Variants in SNAP25 observed in about 807,000 individuals in gnomAD.
The protein encoded by SNAP25 is synaptosome associated protein 25.
In SNAP25, 3 loss-of-function variants were observed where a neutral mutation model predicts 28.7. The ratio of observed to expected loss-of-function variants is 0.10; its 90% CI spans 0.05 to 0.27. The LOEUF (loss-of-function observed/expected upper bound fraction) is 0.27. SNAP25 is among the 10% of genes least tolerant of loss of function. SNAP25 has a pLI of 1.00. For missense variants in SNAP25, 117 were observed against 278.7 expected (o/e 0.42, Z 4.13); for synonymous variants, 61 against 88.1 (o/e 0.69, Z 1.72).
intron 1 of SNAP25, among the ~76,000 whole-genome samples, chr20:10,226,907 C>T (rs970662608): frequency 1.3e-5 from 2 of 152,102 alleles, no homozygotes; most frequent in East Asian, 3.9e-4. Flanking sequence ...GTAGAGACCA[C>T]TTTCTGCCGC....
intron 1 of SNAP25, among the ~76,000 whole-genome samples, chr20:10,254,681 G>A (rs1393862457): frequency 1.3e-5 from 2 of 152,174 alleles, no homozygotes; most frequent in African/African-American, 4.8e-5. Context: ...TTGGGAGCAG[G>A]AGGAGAAACC....
intron 1 of SNAP25, among the ~76,000 whole-genome samples, chr20:10,271,736 G>A (rs915880155): frequency 6.7e-6 from 1 of 150,294 alleles, no homozygotes; most frequent in African/African-American, 2.4e-5. Flanking sequence ...GGGAGAGCGA[G>A]AGAGAGAGAG....
chr20:10,237,975 T>A (rs1600660586), intron 1 of SNAP25, among the ~76,000 whole-genome samples: 1 of 152,348 alleles, frequency 6.6e-6, no homozygotes, highest in South Asian at 2.1e-4. Flanking sequence ...GTTTTCAGGT[T>A]GGCTCCATGG....
chr20:10,244,342 A>G (rs2063089953), intron 1 of SNAP25, among the ~76,000 whole-genome samples: 1 of 152,226 alleles, frequency 6.6e-6, no homozygotes, highest in Non-Finnish European at 1.5e-5. Flanking sequence ...TAAATCCACC[A>G]GGTTTATTTA....
At chr20:10,260,313 C>T (rs2063388595) in intron 1 of SNAP25, among the ~76,000 whole-genome samples, 1 of 152,076 alleles carries the variant, frequency 6.6e-6, no homozygotes, top group Admixed American at 6.6e-5. Context: ...CAAGCAGACA[C>T]AATACTAGTT....
intron 6 of SNAP25, 148 bp downstream of exon 6, chr20:10,297,198 C>T (rs1600785326): frequency 8.9e-7 from 1 of 1,117,384 alleles, no homozygotes; most frequent in Non-Finnish European, 1.2e-6. Context: ...TTTCCTGGAC[C>T]TTGCCTGGGT....
chr20:10,263,442 A>G (rs1464381993), intron 1 of SNAP25, among the ~76,000 whole-genome samples: 1 of 152,160 alleles, frequency 6.6e-6, no homozygotes, highest in Non-Finnish European at 1.5e-5. Flanking sequence ...AACTGTTACT[A>G]AGCCTGAATA....
chr20:10,219,546 G>A (rs2062585448), intron 1 of SNAP25: 1 of 152,244 alleles, frequency 6.6e-6, no homozygotes, highest in South Asian at 2.1e-4. Flanking sequence ...GGAGGCGGGC[G>A]GGTCGTGCCG....
At chr20:10,231,855 T>A (rs1437384045) in intron 1 of SNAP25, among the ~76,000 whole-genome samples, 2 of 152,212 alleles carry the variant, frequency 1.3e-5, no homozygotes, top group East Asian at 3.8e-4. Flanking sequence ...TAAAAATATC[T>A]GAAATGGAAA....
At chr20:10,280,494 T>G (rs6077718) in intron 3 of SNAP25, among the ~76,000 whole-genome samples, 20,346 of 152,166 alleles carry the variant, frequency 0.13, 1,511 homozygotes, top group Admixed American at 0.19. Context: ...GGGAAACAGA[T>G]ATGTAAGTAG....
intron 3 of SNAP25, chr20:10,277,927 C>G: frequency 1.9e-6 from 1 of 526,346 alleles, no homozygotes; most frequent in Non-Finnish European, 3.4e-6. Flanking sequence ...TCCTTCCCAG[C>G]CCAAGCCACC....
intron 4 of SNAP25, among the ~76,000 whole-genome samples, chr20:10,286,593 T>G (rs1034274813): frequency 2.6e-5 from 4 of 152,176 alleles, no homozygotes; most frequent in African/African-American, 4.8e-5. Flanking sequence ...AGGAAGAGCC[T>G]GGCCTCAATG....
chr20:10,292,264 CTG>C (rs2064013509), intron 4 of SNAP25, among the ~76,000 whole-genome samples: 1 of 152,166 alleles, frequency 6.6e-6, no homozygotes, highest in Non-Finnish European at 1.5e-5. Flanking sequence ...TACAATGTTG[CTG>C]TGTGGATGTT....
At position 10,271,095 on chromosome 20, in the gene SNAP25, C is replaced by G. The variant is rs754297911; in HGVS notation, c.-63-4334C>G. ...CTTTTCTTCCTAATTTCTTCTGCTT[C>G]CTAGTTTCCTCTTTCTACCTGCTCT... On this transcript the variant is annotated intron_variant, in intron 1 of 7. Coordinates refer to ENST00000254976, the MANE Select transcript of SNAP25 (RefSeq NM_130811.4). 9.3e-4 allele frequency among the ~76,000 whole-genome samples: 141 copies of G among 152,250 alleles called. 5 individuals are homozygous for G. The Middle Eastern group carries it at 0.014, about 15-fold the overall frequency.
chr20:10,252,176 A>G (rs2063241334), intron 1 of SNAP25, among the ~76,000 whole-genome samples: 1 of 152,254 alleles, frequency 6.6e-6, no homozygotes, highest in African/African-American at 2.4e-5. Flanking sequence ...CAGAGTTAGC[A>G]CATGAATATC....
rs548122584 is a variant in SNAP25 at position 10,275,427 on chromosome 20, A to G, written c.-63-2A>G. 9.7e-6 allele frequency: 14 copies of G among 1,437,996 alleles called. No homozygotes were observed. The highest frequency in any genetic ancestry group is 1.3e-5 in the Non-Finnish European group (14 of 1,052,540). 89.1% of individuals were successfully genotyped at this position (1,437,996 alleles called of 1,614,324 possible). ...CATATTTTCATATCTACTTCTTCCC[A>G]GGTCCAGAGCCAAACCCGTCACTGA... On this transcript the variant is annotated splice_acceptor_variant, in intron 1 of 7. Coordinates refer to ENST00000254976, the MANE Select transcript of SNAP25 (RefSeq NM_130811.4). LOFTEE classifies it low-confidence loss of function (5UTR_SPLICE).
intron 1 of SNAP25, among the ~76,000 whole-genome samples, chr20:10,272,516 G>A (rs2063613614): frequency 6.6e-6 from 1 of 152,154 alleles, no homozygotes; most frequent in Non-Finnish European, 1.5e-5. Flanking sequence ...TTTCATTTTT[G>A]TGCATCTTAA....
At chr20:10,224,111 G>A (rs1314731469) in intron 1 of SNAP25, among the ~76,000 whole-genome samples, 3 of 152,044 alleles carry the variant, frequency 2.0e-5, no homozygotes, top group Admixed American at 2.0e-4. Context: ...CACAGCAAGG[G>A]TAAGTAACTT....
In SNAP25 at chr20:10,264,918, C is replaced by CTTTTTTT. The variant is rs958711328; in HGVS notation, c.-63-10498_-63-10492dup. ...TGATGCAAGGAGATCTCAGACCATG[C>CTTTTTTT]TTTTTTTTTTTTTTTTTTTCTGAGA... On this transcript the variant is annotated intron_variant, in intron 1 of 7. Transcript: ENST00000254976. Among the ~76,000 whole-genome samples, 5 of 117,150 alleles carry CTTTTTTT rather than the reference C, an allele frequency of 4.3e-5. 1 individual carries two copies. Among genetic ancestry groups the CTTTTTTT allele is most frequent in the African/African-American group, 1.7e-4 (5 of 29,476 alleles). 76.9% of individuals were successfully genotyped at this position (117,150 alleles called of 152,430 possible). A position where few individuals can be genotyped will look rare whatever the true frequency, so the allele number is the denominator to read the frequency against.
Sources: gnomAD v4.1 joint callset for allele counts (sites outside exome capture counted in the v4.1 genomes callset) on GRCh38, gnomAD v4.1.1 for gene constraint, MANE v1.5 for transcripts, NCBI Gene and HGNC (gene_info 2026-07-23, HGNC 2026-07-21) for gene names.